The following NFXL1 variants were observed in gnomAD, a reference collection of about 807,000 sequenced individuals.
The protein encoded by NFXL1 is NF-X1-type zinc finger protein NFXL1.
A neutral mutation model predicts 123.3 loss-of-function variants in NFXL1; 66 were observed. The ratio of observed to expected loss-of-function variants is 0.54; its 90% CI spans 0.44 to 0.66. NFXL1 has a LOEUF of 0.66. NFXL1 is among the 30% of genes least tolerant of loss of function. The probability of loss-of-function intolerance (pLI) is 0.00; values close to 1 mark genes in which losing one functional copy is unlikely to be tolerated. For synonymous variants in NFXL1, 346 were observed against 360.8 expected (o/e 0.96, Z 0.46); for missense variants, 944 against 1,125.6 (o/e 0.84, Z 2.31).
chr4:47,902,485 A>C (rs1056406192), intron 5 of NFXL1, among the ~76,000 whole-genome samples: 2 of 152,208 alleles, frequency 1.3e-5, no homozygotes, highest in Non-Finnish European at 2.9e-5. Context: ...TGCAGTTTTG[A>C]GATTTGGGAG....
At chr4:47,898,189 G>A (rs564448585) in intron 8 of NFXL1, 108 bp from the exon 9 acceptor site, 10 of 631,904 alleles carry the variant, frequency 1.6e-5, no homozygotes, top group African/African-American at 1.1e-4. Flanking sequence ...ACTGCTTTAC[G>A]TCCCTCATAT....
intron 10 of NFXL1, among the ~76,000 whole-genome samples, chr4:47,895,817 T>G (rs1351372131): frequency 6.6e-6 from 1 of 152,250 alleles, no homozygotes; most frequent in Non-Finnish European, 1.5e-5. Context: ...GGCTAATTGA[T>G]GCAAGAGAAC....
intron 11 of NFXL1, 67 bp from the exon 12 acceptor site, chr4:47,890,770 C>T (rs1456480960): frequency 2.4e-6 from 2 of 837,822 alleles, no homozygotes; most frequent in East Asian, 5.1e-5. Flanking sequence ...CATGTCATTA[C>T]TAGTTACAGA....
chr4:47,860,576 C>T (rs73238641), intron 19 of NFXL1, among the ~76,000 whole-genome samples: 23,264 of 152,142 alleles, frequency 0.15, 2,247 homozygotes, highest in East Asian at 0.28. Context: ...GATACAAAGA[C>T]AAATATGACA....
rs756781907 is a variant in NFXL1, at chr4:47,885,976, T to C, written c.1567A>G (p.Thr523Ala). The change falls in exon 13 of 23, where the codon ACC becomes GCC. Residue 523 changes from threonine (T) to alanine (A), a missense_variant. Thr to Ala is a moderately conservative substitution (Grantham distance 58, BLOSUM62 0). Around this residue, in one of 4 missense-constraint regions of NFXL1, gnomAD observed 296 missense variants for 395.1 expected, o/e 0.75. Coordinates refer to ENST00000507489, the MANE Select transcript of NFXL1 (RefSeq NM_001278624.2). Reference sequence around the variant, plus strand: ...CCACAATTACACTTCACATCTACGGTTTCTGGGCAGGGATAGCAACTGCCT... The same window carrying C: ...CCACAATTACACTTCACATCTACGGCTTCTGGGCAGGGATAGCAACTGCCT... ...HRGSCYPCPE[T>A]VDVKCNCGNT... 14 of 1,613,196 alleles carry C rather than the reference T, an allele frequency of 8.7e-6. No individual in the cohort carries two copies. In the South Asian group the frequency reaches 1.4e-4, roughly 16 times the overall value.
At chr4:47,896,435 A>C in intron 10 of NFXL1, 88 bp downstream of exon 10, 1 of 1,004,304 alleles carries the variant, frequency 1.0e-6, no homozygotes, top group Admixed American at 2.0e-5. Context: ...ATATGAAAAT[A>C]AGTAATAGAA....
At position 47,848,172 on chromosome 4, in the gene NFXL1, A is replaced by G. The variant is rs772129023; in HGVS notation, c.2727T>C (p.Asp909=). The change falls in exon 23 of 23, where the codon GAT becomes GAC. Residue 909 remains aspartate (D), a synonymous_variant. Transcript: ENST00000507489. The part of the protein sequence containing the change: ...VVVFAWYITH[D]VN ...AAGATCAAAACTTTTTTTAATTGAC[A>G]TCATGGGTGATGTACCAGGCAAACA... 6.3e-7 allele frequency: 1 copy of G among 1,576,630 alleles called. No individual in the cohort carries two copies. The highest frequency in any genetic ancestry group is 2.3e-5 in the East Asian group (1 of 44,370).
At chr4:47,879,268 G>A (rs1735938923) in intron 15 of NFXL1, 151 bp from the exon 16 acceptor site, 6 of 417,342 alleles carry the variant, frequency 1.4e-5, no homozygotes, top group Non-Finnish European at 2.6e-5. Flanking sequence ...ATATACAAAG[G>A]TCAACTGATT....
intron 19 of NFXL1, 74 bp downstream of exon 19, chr4:47,862,772 C>G (rs981761546): frequency 1.3e-5 from 11 of 864,958 alleles, no homozygotes; most frequent in Non-Finnish European, 2.1e-5. Flanking sequence ...ATAATTTGAC[C>G]AAACAAGAAA....
chr4:47,851,057 T>C (rs1734090492), intron 22 of NFXL1, 38 bp downstream of exon 22: 3 of 1,480,352 alleles, frequency 2.0e-6, no homozygotes, highest in South Asian at 1.1e-5. Flanking sequence ...CTAGCAATGA[T>C]GCTAAGAGAC....
intron 8 of NFXL1, among the ~76,000 whole-genome samples, chr4:47,898,311 G>C (rs1737211285): frequency 6.6e-6 from 1 of 151,958 alleles, no homozygotes; most frequent in South Asian, 2.1e-4. Flanking sequence ...TATTTTAAAA[G>C]TACAATACAG....
chr4:47,850,751 G>C (rs1247962635), intron 22 of NFXL1, among the ~76,000 whole-genome samples: 1 of 151,988 alleles, frequency 6.6e-6, no homozygotes, highest in Non-Finnish European at 1.5e-5. Flanking sequence ...GTAAAGTCAT[G>C]GTCTCCAGAA....
At position 47,857,533 on chromosome 4, in the gene NFXL1, C is replaced by T. The variant is rs1329055833; in HGVS notation, c.2317-2370G>A. ...TTTCTGCCTCCTAAAAGACCTCATA[C>T]TCATCTTCACAATTTCATTGACGAC... On this transcript the variant is annotated intron_variant, in intron 19 of 22. Transcript: ENST00000507489. Among the ~76,000 whole-genome samples the T allele has an allele frequency of 2.6e-5, 4 of 152,318 alleles. No homozygotes were observed. In the South Asian group the frequency reaches 8.3e-4, roughly 32 times the overall value.
At chr4:47,891,653 G>A (rs1736774960) in intron 11 of NFXL1, among the ~76,000 whole-genome samples, 1 of 152,032 alleles carries the variant, frequency 6.6e-6, no homozygotes, top group African/African-American at 2.4e-5. Flanking sequence ...ACTTTGGAAA[G>A]GAAATACAGA....
rs775170631 is a variant in NFXL1, at chr4:47,884,453, A to T, written c.1825-16T>A. ...TAGGCTGGTGCTACAAATAAAATACATAAGAATTTTAAGTCAGAGGGATTA... is the reference window on the plus strand; with the variant it reads ...TAGGCTGGTGCTACAAATAAAATACTTAAGAATTTTAAGTCAGAGGGATTA... On this transcript the variant is annotated splice_polypyrimidine_tract_variant and intron_variant, in intron 14 of 22. Transcript: ENST00000507489. The T allele has an allele frequency of 1.3e-6, 2 of 1,508,002 alleles. No individual in the cohort carries two copies. The highest frequency in any genetic ancestry group is 2.3e-5 in the East Asian group (1 of 44,266). 93.4% of individuals were successfully genotyped at this position (1,508,002 alleles called of 1,614,324 possible). A position where few individuals can be genotyped will look rare whatever the true frequency, so the allele number is the denominator to read the frequency against.
At chr4:47,913,613 A>G (rs1737952813) in intron 2 of NFXL1, among the ~76,000 whole-genome samples, 1 of 152,240 alleles carries the variant, frequency 6.6e-6, no homozygotes, top group South Asian at 2.1e-4. Context: ...AACGACAAAC[A>G]ACCGCTGACA....
chr4:47,862,860 G>T lies in NFXL1; in HGVS notation c.2302C>A (p.Gln768Lys). The part of the protein sequence containing the change: ...EKNLLSCCKN[Q>K]CPKELPCGHR... ...CTAAAGCTTACCTCTTTAGGGCACT[G>T]ATTTTTGCAACAACTGAGGAGGTTC... The change falls in exon 19 of 23, where the codon CAG becomes AAG. Residue 768 changes from glutamine to lysine, a missense_variant. This residue lies in a region of NFXL1 where 301 missense variants were observed against 348.0 expected (regional missense o/e 0.86). Coordinates refer to ENST00000507489, the MANE Select transcript of NFXL1 (RefSeq NM_001278624.2). 6.4e-7 allele frequency: 1 copy of T among 1,571,800 alleles called. No individual in the cohort carries two copies. The highest frequency in any genetic ancestry group is 8.6e-7 in the Non-Finnish European group (1 of 1,157,762).
At chr4:47,875,104 GA>G (rs1735667253) in intron 18 of NFXL1, 22 bp downstream of exon 18, 2 of 1,505,998 alleles carry the variant, frequency 1.3e-6, no homozygotes. Context: ...AATAAAATAA[GA>G]CTTTTTTTTC....
Position 47,878,554 on chromosome 4 carries a change from T to C in NFXL1, c.2050A>G (p.Lys684Glu). 1.2e-6 allele frequency: 2 copies of C among 1,601,796 alleles called. No individual in the cohort carries two copies. The highest frequency in any genetic ancestry group is 1.7e-6 in the Non-Finnish European group (2 of 1,174,586). Residue 684 changes from lysine to glutamate, a missense_variant, in exon 17 of 23, where the codon AAA becomes GAA. Physicochemically the swap from Lys to Glu is moderately conservative, Grantham distance 56. Coordinates refer to ENST00000507489, the MANE Select transcript of NFXL1 (RefSeq NM_001278624.2). Reference sequence around the variant, plus strand: ...TTTTTTCCAGTGCAGCCATCAGTTTTGGTTACTTTGTGGCATTCTTTCATA... The same window carrying C: ...TTTTTTCCAGTGCAGCCATCAGTTTCGGTTACTTTGTGGCATTCTTTCATA... ...TCMKECHKVT[K>E]TDGCTGKNKA...
Sources: gnomAD v4.1 joint callset for allele counts (sites outside exome capture counted in the v4.1 genomes callset) on GRCh38, gnomAD v4.1.1 for gene constraint, gnomAD v4.1.1 regional missense constraint, MANE v1.5 for transcripts, NCBI Gene and HGNC (gene_info 2026-07-23, HGNC 2026-07-21) for gene names.